MAST4: variants seen among roughly 807,000 people sequenced by gnomAD.
The protein encoded by MAST4 is microtubule-associated serine/threonine-protein kinase 4.
Under a neutral mutation model 162.7 loss-of-function variants are expected in MAST4, and 89 were observed. That is an observed-to-expected ratio of 0.55 (90% CI 0.46 to 0.65). The LOEUF (loss-of-function observed/expected upper bound fraction) is 0.65. Ranked by LOEUF, MAST4 falls within the 30% of genes least tolerant of loss-of-function variation. The probability of loss-of-function intolerance (pLI) is 0.00; values close to 1 mark genes in which losing one functional copy is unlikely to be tolerated. For synonymous variants in MAST4, 1,479 were observed against 1,361.1 expected (o/e 1.09, Z -1.91); for missense variants, 3,153 against 3,374.0 (o/e 0.93, Z 1.62).
At chr5:67,013,084 G>A (rs1486228327) in intron 4 of MAST4, among the ~76,000 whole-genome samples, 1 of 151,828 alleles carries the variant, frequency 6.6e-6, no homozygotes, top group Non-Finnish European at 1.5e-5. Flanking sequence ...CTGCTTTGTG[G>A]TCCTACATTT....
chr5:67,004,959 G>A, intron 4 of MAST4: 3 of 747,354 alleles, frequency 4.0e-6, no homozygotes, highest in South Asian at 2.9e-5. Flanking sequence ...TAGTCATATG[G>A]CCTTGAACCC....
intron 4 of MAST4, among the ~76,000 whole-genome samples, chr5:67,014,102 T>C (rs1753002866): frequency 6.6e-6 from 1 of 152,168 alleles, no homozygotes; most frequent in Non-Finnish European, 1.5e-5. Flanking sequence ...CAGATTTTTT[T>C]TTTTTCCATG....
intron 5 of MAST4, among the ~76,000 whole-genome samples, chr5:67,062,166 C>A (rs1214407520): frequency 6.6e-6 from 1 of 152,188 alleles, no homozygotes; most frequent in Non-Finnish European, 1.5e-5. Flanking sequence ...CTTTGGGAGG[C>A]TGAGGTGGGC....
At chr5:66,822,559 A>G (rs1312631207) in intron 3 of MAST4, among the ~76,000 whole-genome samples, 1 of 152,168 alleles carries the variant, frequency 6.6e-6, no homozygotes, top group Non-Finnish European at 1.5e-5. Flanking sequence ...AGAGACATTT[A>G]AGAGGAAAGT....
In MAST4 at chr5:67,166,266, G is replaced by T. The variant is rs373496691; in HGVS notation, c.7087G>T (p.Ala2363Ser). 4.5e-6 allele frequency: 7 copies of T among 1,554,534 alleles called. No individual in the cohort carries two copies. Among genetic ancestry groups the T allele is most frequent in the Non-Finnish European group, 6.1e-6 (7 of 1,148,604 alleles). The change falls in exon 29 of 29, where the codon GCC (alanine) becomes TCC (serine). Residue 2363 changes from alanine to serine, a missense_variant. Physicochemically the swap from Ala to Ser is moderately conservative, Grantham distance 99. This residue lies in a region of MAST4 where 1,644 missense variants were observed against 1,495.0 expected (regional missense o/e 1.10). Transcript: ENST00000403625. ...QTDKSPSQPAANTDRRAEGKK... is the reference protein window; with the variant it reads ...QTDKSPSQPASNTDRRAEGKK... Reference sequence around the variant, plus strand: ...AGACAAAAGCCCGAGTCAGCCGGCCGCCAACACCGACAGAAGGGCGGAAGG... The same window carrying T: ...AGACAAAAGCCCGAGTCAGCCGGCCTCCAACACCGACAGAAGGGCGGAAGG...
chr5:66,707,758 G>C (rs1750229179), intron 1 of MAST4, among the ~76,000 whole-genome samples: 1 of 152,192 alleles, frequency 6.6e-6, no homozygotes, highest in Non-Finnish European at 1.5e-5. Flanking sequence ...GTAGGGGGGA[G>C]CAGAATGTAA....
At chr5:66,978,068 G>A (rs1340593585) in intron 4 of MAST4, among the ~76,000 whole-genome samples, 1 of 152,130 alleles carries the variant, frequency 6.6e-6, no homozygotes, top group African/African-American at 2.4e-5. Flanking sequence ...CTTATTTTGA[G>A]GCATTGTTTT....
chr5:66,657,529 TC>T (rs1746631458), intron 1 of MAST4, among the ~76,000 whole-genome samples: 1 of 152,230 alleles, frequency 6.6e-6, no homozygotes, highest in African/African-American at 2.4e-5. Flanking sequence ...GTAATATTTT[TC>T]TTCAGCATTT....
intron 2 of MAST4, among the ~76,000 whole-genome samples, chr5:66,779,692 G>C (rs982608243): frequency 3.3e-5 from 5 of 152,180 alleles, no homozygotes; most frequent in Non-Finnish European, 5.9e-5. Context: ...ATGAGGATGA[G>C]AGTCAGGACT....
intron 2 of MAST4, among the ~76,000 whole-genome samples, chr5:66,767,405 T>G (rs923614092): frequency 5.3e-5 from 8 of 152,074 alleles, no homozygotes; most frequent in African/African-American, 1.4e-4. Flanking sequence ...AATAGGCATG[T>G]CAAGTAGGAC....
intron 4 of MAST4, among the ~76,000 whole-genome samples, chr5:66,930,034 T>TA (rs1204861372): frequency 5.9e-5 from 9 of 152,126 alleles, no homozygotes; most frequent in African/African-American, 2.2e-4. Context: ...CTGTAGATGA[T>TA]ATAGTATGTT....
chr5:66,695,902 C>T (rs576505822), intron 1 of MAST4, among the ~76,000 whole-genome samples: 11 of 152,056 alleles, frequency 7.2e-5, no homozygotes, highest in African/African-American at 2.4e-4. Context: ...TACATGCACA[C>T]GTATGTTTAT....
chr5:66,996,362 T>A (rs1168413513), intron 4 of MAST4, among the ~76,000 whole-genome samples: 1 of 152,140 alleles, frequency 6.6e-6, no homozygotes, highest in African/African-American at 2.4e-5. Flanking sequence ...TTAATGTAGA[T>A]CATAGAACTT....
intron 1 of MAST4, among the ~76,000 whole-genome samples, chr5:66,744,249 G>A (rs919093673): frequency 5.9e-5 from 9 of 151,976 alleles, no homozygotes; most frequent in African/African-American, 1.9e-4. Flanking sequence ...TTTTAACCAC[G>A]TGGGGCCCCT....
intron 24 of MAST4, among the ~76,000 whole-genome samples, chr5:67,151,238 A>G (rs1771771424): frequency 6.6e-6 from 1 of 152,214 alleles, no homozygotes. Flanking sequence ...AAATAACAGA[A>G]TTTGTTGATC....
chr5:66,724,603 C>T (rs1242914936), intron 1 of MAST4, among the ~76,000 whole-genome samples: 1 of 152,138 alleles, frequency 6.6e-6, no homozygotes. Flanking sequence ...TGTACTTCTA[C>T]AAACTTAGAT....
At chr5:66,814,312 G>A (rs149799237) in intron 3 of MAST4, among the ~76,000 whole-genome samples, 160 of 152,302 alleles carry the variant, frequency 1.1e-3, no homozygotes, top group African/African-American at 3.5e-3. Flanking sequence ...GGTCATCAAC[G>A]TGGGAGGGAG....
At chr5:67,092,849 T>C (rs113323227) in intron 6 of MAST4, among the ~76,000 whole-genome samples, 1 of 61,598 alleles carries the variant, frequency 1.6e-5, no homozygotes, top group Non-Finnish European at 2.6e-5. Flanking sequence ...CTGGTTGTCA[T>C]TTCCAGATGA....
intron 1 of MAST4, among the ~76,000 whole-genome samples, chr5:66,650,482 A>G (rs1746146287): frequency 6.6e-6 from 1 of 152,152 alleles, no homozygotes; most frequent in African/African-American, 2.4e-5. Flanking sequence ...ATTGTATAAT[A>G]TTTTTCATCA....
Sources: gnomAD v4.1 joint callset for allele counts (sites outside exome capture counted in the v4.1 genomes callset) on GRCh38, gnomAD v4.1.1 for gene constraint, gnomAD v4.1.1 regional missense constraint, MANE v1.5 for transcripts, NCBI Gene and HGNC (gene_info 2026-07-23, HGNC 2026-07-21) for gene names.